NR6A1: variants seen among roughly 807,000 people sequenced by gnomAD.
NR6A1 encodes nuclear receptor subfamily 6 group A member 1.
In NR6A1, 7 loss-of-function variants were observed where a neutral mutation model predicts 59.1. The observed-to-expected ratio is 0.12, with a 90% CI of 0.07 to 0.22. The LOEUF (loss-of-function observed/expected upper bound fraction) is 0.22. Ranked by LOEUF, NR6A1 falls within the 10% of genes least tolerant of loss-of-function variation. The pLI, the probability that NR6A1 is intolerant of heterozygous loss-of-function variation, is 1.00. For missense variants in NR6A1, 468 were observed against 611.6 expected, an observed-to-expected ratio of 0.77 and a Z score of 2.48; for synonymous variants, 243 against 236.1, an observed-to-expected ratio of 1.03 and a Z score of -0.27.
At chr9:124,690,714 C>T (rs1301663073) in intron 2 of NR6A1, among the ~76,000 whole-genome samples, 1 of 151,952 alleles carries the variant, frequency 6.6e-6, no homozygotes, top group Non-Finnish European at 1.5e-5. Context: ...CTAATTTAAC[C>T]CTTAACTTTT....
chr9:124,616,294 T>A (rs560005160), intron 2 of NR6A1, among the ~76,000 whole-genome samples: 37 of 149,264 alleles, frequency 2.5e-4, no homozygotes, highest in Non-Finnish European at 4.6e-4. Context: ...CCCAAGCTAC[T>A]CCACTGGCTG....
chr9:124,752,457 G>A (rs970699386), intron 1 of NR6A1, among the ~76,000 whole-genome samples: 1 of 151,928 alleles, frequency 6.6e-6, no homozygotes, highest in Non-Finnish European at 1.5e-5. Context: ...GTTTCCAATA[G>A]AACACAATAA....
At chr9:124,680,181 C>A (rs1238800151) in intron 2 of NR6A1, among the ~76,000 whole-genome samples, 1 of 151,500 alleles carries the variant, frequency 6.6e-6, no homozygotes, top group African/African-American at 2.4e-5. Context: ...AAAAAAGGAG[C>A]TATTTCTTAC....
At chr9:124,554,242 C>T in intron 3 of NR6A1, 86 bp downstream of exon 3, 3 of 1,592,366 alleles carry the variant, frequency 1.9e-6, no homozygotes, top group Non-Finnish European at 2.6e-6. Flanking sequence ...GTAGTGCAAG[C>T]TTGAGGAATA....
Position 124,646,617 on chromosome 9 carries a change from C to A in NR6A1, c.142+86691G>T, listed in dbSNP as rs1044498393. Among the ~76,000 whole-genome samples the A allele has an allele frequency of 2.6e-4, 40 of 152,120 alleles. 1 individual carries two copies. The highest frequency in any genetic ancestry group is 3.2e-4 in the Non-Finnish European group (22 of 68,026). ...ACATTGGAAGAATAAGTGTCTTAGG[C>A]CACACATAAAATACCTAACACTAAC... On this transcript the variant is annotated intron_variant, in intron 2 of 9. Transcript: ENST00000487099.
intron 2 of NR6A1, among the ~76,000 whole-genome samples, chr9:124,666,653 A>G (rs1418551186): frequency 2.0e-5 from 3 of 152,240 alleles, no homozygotes; most frequent in Non-Finnish European, 2.9e-5. Flanking sequence ...CTAGAACAGA[A>G]AAATTCCTTT....
chr9:124,672,826 G>GGGCTAGATTC (rs1173676858), intron 2 of NR6A1, among the ~76,000 whole-genome samples: 2 of 151,800 alleles, frequency 1.3e-5, no homozygotes, highest in Non-Finnish European at 2.9e-5. Flanking sequence ...TGAGTACCTT[G>GGGCTAGATTC]GGCTAGATTC....
chr9:124,663,929 C>T (rs1043228812), intron 2 of NR6A1, among the ~76,000 whole-genome samples: 2 of 152,112 alleles, frequency 1.3e-5, no homozygotes, highest in Non-Finnish European at 2.9e-5. Flanking sequence ...AAAAAGAACC[C>T]TTTTCTTAAA....
intron 2 of NR6A1, among the ~76,000 whole-genome samples, chr9:124,709,827 C>T (rs1839226309): frequency 6.6e-6 from 1 of 151,658 alleles, no homozygotes; most frequent in African/African-American, 2.4e-5. Context: ...CCCAGCTACT[C>T]GGGAGGCTGA....
intron 2 of NR6A1, among the ~76,000 whole-genome samples, chr9:124,685,474 A>G (rs547594245): frequency 1.3e-5 from 2 of 152,332 alleles, no homozygotes; most frequent in South Asian, 4.1e-4. Context: ...AACTACTGGC[A>G]GACATCACAA....
intron 7 of NR6A1, among the ~76,000 whole-genome samples, chr9:124,529,470 G>C (rs1833034447): frequency 6.6e-6 from 1 of 152,104 alleles, no homozygotes. Flanking sequence ...TTCCATGTTA[G>C]GGATGAGGAA....
At chr9:124,679,904 A>G (rs1158274025) in intron 2 of NR6A1, among the ~76,000 whole-genome samples, 1 of 141,804 alleles carries the variant, frequency 7.1e-6, no homozygotes, top group Non-Finnish European at 1.5e-5. Flanking sequence ...CTCAAAGAGA[A>G]AAAAAAAAAA....
intron 1 of NR6A1, among the ~76,000 whole-genome samples, chr9:124,761,736 C>A (rs1840790198): frequency 6.6e-6 from 1 of 152,206 alleles, no homozygotes; most frequent in Non-Finnish European, 1.5e-5. Flanking sequence ...ACGATAGGAT[C>A]TTTATCTCTT....
intron 2 of NR6A1, among the ~76,000 whole-genome samples, chr9:124,669,815 T>C (rs1837734865): frequency 6.6e-6 from 1 of 152,184 alleles, no homozygotes; most frequent in Admixed American, 6.5e-5. Flanking sequence ...CAGGCTAGTC[T>C]TGAACTCCTG....
intron 2 of NR6A1, among the ~76,000 whole-genome samples, chr9:124,568,663 G>C (rs552323955): frequency 4.3e-4 from 65 of 151,824 alleles, no homozygotes; most frequent in Middle Eastern, 6.8e-3. Flanking sequence ...ACTTGCCCAG[G>C]GTTAGAAAAG....
intron 2 of NR6A1, chr9:124,698,701 G>C (rs538192763): frequency 5.3e-5 from 8 of 152,128 alleles, no homozygotes; most frequent in African/African-American, 1.9e-4. Flanking sequence ...TATAACTTAG[G>C]AAGTAATCTT....
At chr9:124,761,727 C>A (rs1045484474) in intron 1 of NR6A1, among the ~76,000 whole-genome samples, 4 of 152,144 alleles carry the variant, frequency 2.6e-5, no homozygotes, top group Non-Finnish European at 4.4e-5. Context: ...TTAAAAAGCA[C>A]GATAGGATCT....
At chr9:124,746,354 C>G (rs1288052583) in intron 1 of NR6A1, among the ~76,000 whole-genome samples, 1 of 152,072 alleles carries the variant, frequency 6.6e-6, no homozygotes, top group African/African-American at 2.4e-5. Context: ...TTTGGGAGGC[C>G]CAGGTAGGTG....
At chr9:124,594,514 TCTTA>T (rs763650513) in intron 2 of NR6A1, among the ~76,000 whole-genome samples, 3 of 152,178 alleles carry the variant, frequency 2.0e-5, no homozygotes, top group Non-Finnish European at 4.4e-5. Flanking sequence ...CCAAAGCAAA[TCTTA>T]CTTCTTAAAC....
Sources: gnomAD v4.1 joint callset for allele counts (sites outside exome capture counted in the v4.1 genomes callset) on GRCh38, gnomAD v4.1.1 for gene constraint, MANE v1.5 for transcripts, NCBI Gene and HGNC (gene_info 2026-07-23, HGNC 2026-07-21) for gene names.